Variants in ERBB4 observed in about 807,000 individuals in gnomAD.
The protein encoded by ERBB4 is erb-b2 receptor tyrosine kinase 4.
Under a neutral mutation model 158.0 loss-of-function variants are expected in ERBB4, and 42 were observed. The observed-to-expected ratio is 0.27, with a 90% CI of 0.21 to 0.34. ERBB4 has a LOEUF of 0.34. Ranked by LOEUF, ERBB4 falls within the 10% of genes least tolerant of loss-of-function variation. The pLI, the probability that ERBB4 is intolerant of heterozygous loss-of-function variation, is 1.00. For synonymous variants in ERBB4, 583 were observed against 558.7 expected, an observed-to-expected ratio of 1.04 and a Z score of -0.61; for missense variants, 1,333 against 1,624.1, an observed-to-expected ratio of 0.82 and a Z score of 3.08.
At chr2:211,924,004 G>A (rs1287637968) in intron 3 of ERBB4, among the ~76,000 whole-genome samples, 7 of 152,094 alleles carry the variant, frequency 4.6e-5, no homozygotes, top group Non-Finnish European at 1.0e-4. Flanking sequence ...TTACAGGTGT[G>A]AGCCACCATG....
intron 25 of ERBB4, among the ~76,000 whole-genome samples, chr2:211,395,585 C>T (rs193259024): frequency 0.013 from 1,892 of 146,928 alleles, 26 homozygotes; most frequent in South Asian, 0.022. Flanking sequence ...TATTAATATA[C>T]GCAAAGTAAA....
At chr2:212,377,595 G>T (rs1219550760) in intron 1 of ERBB4, among the ~76,000 whole-genome samples, 1 of 151,924 alleles carries the variant, frequency 6.6e-6, no homozygotes, top group East Asian at 1.9e-4. Flanking sequence ...CCTGTCTAGG[G>T]GACCTACCTT....
chr2:211,722,332 A>T (rs1407469103), intron 7 of ERBB4, 61 bp downstream of exon 7: 2 of 1,367,512 alleles, frequency 1.5e-6, no homozygotes, highest in Non-Finnish European at 2.1e-6. Flanking sequence ...AACTTACATA[A>T]AATTCTTTTG....
intron 1 of ERBB4, among the ~76,000 whole-genome samples, chr2:212,277,993 G>A (rs1459089911): frequency 6.6e-6 from 1 of 151,386 alleles, no homozygotes; most frequent in African/African-American, 2.4e-5. Context: ...GGACTTCACT[G>A]GGATAAAATT....
intron 2 of ERBB4, among the ~76,000 whole-genome samples, chr2:212,011,404 T>C (rs890240336): frequency 2.0e-5 from 3 of 152,126 alleles, no homozygotes; most frequent in African/African-American, 7.2e-5. Context: ...ATTTCCATTA[T>C]CACAGAAAGT....
At chr2:212,210,460 C>T (rs1378151992) in intron 1 of ERBB4, among the ~76,000 whole-genome samples, 1 of 151,998 alleles carries the variant, frequency 6.6e-6, no homozygotes, top group Non-Finnish European at 1.5e-5. Context: ...TTCAAGAAAT[C>T]CTCTGTCTCC....
At chr2:211,432,073 T>G (rs2063757730) in intron 20 of ERBB4, among the ~76,000 whole-genome samples, 1 of 152,204 alleles carries the variant, frequency 6.6e-6, no homozygotes, top group Non-Finnish European at 1.5e-5. Context: ...AATATATTTT[T>G]GTTGAAGTGT....
chr2:212,080,837 G>A (rs1031612349), intron 2 of ERBB4, among the ~76,000 whole-genome samples: 62 of 152,100 alleles, frequency 4.1e-4, no homozygotes, highest in Non-Finnish European at 8.1e-4. Context: ...ACAAAAAGGT[G>A]AATTGTGCCA....
rs372836464 is a variant in ERBB4, at chr2:211,889,482, T to C, written c.421+57948A>G. ...AACAGAAAAACTGGAAACTCTAAAATGCAGAGCGCCTCTCCTCCTCCAAAG... is the reference window on the plus strand; with the variant it reads ...AACAGAAAAACTGGAAACTCTAAAACGCAGAGCGCCTCTCCTCCTCCAAAG... On this transcript the variant is annotated intron_variant, in intron 3 of 27. Coordinates refer to ENST00000342788, the MANE Select transcript of ERBB4 (RefSeq NM_005235.3). Among the ~76,000 whole-genome samples the C allele has an allele frequency of 2.6e-5, 4 of 151,524 alleles. No individual in the cohort carries two copies. The East Asian group carries it at 5.8e-4, about 22-fold the overall frequency.
At chr2:212,064,828 G>GT (rs2077889830) in intron 2 of ERBB4, among the ~76,000 whole-genome samples, 1 of 152,004 alleles carries the variant, frequency 6.6e-6, no homozygotes, top group African/African-American at 2.4e-5. Context: ...ACCAGAACAA[G>GT]TAACTATAAT....
chr2:212,363,667 T>C (rs1050265704), intron 1 of ERBB4, among the ~76,000 whole-genome samples: 2 of 151,630 alleles, frequency 1.3e-5, no homozygotes, highest in East Asian at 1.9e-4. Context: ...AAAATACTTA[T>C]ATATTTGGAA....
Position 212,328,529 on chromosome 2 carries a change from T to C in ERBB4, c.83-203626A>G, listed in dbSNP as rs762364376. Among the ~76,000 whole-genome samples the C allele has an allele frequency of 2.6e-4, 40 of 152,156 alleles. 1 individual carries two copies. The highest frequency in any genetic ancestry group is 6.8e-3 in the Middle Eastern group (2 of 294). ...GAAGCTGGAGATATTATGGTCATCA[T>C]TTGAAAATATGTGTCATAATAGTTT... On this transcript the variant is annotated intron_variant, in intron 1 of 27. Transcript: ENST00000342788.
chr2:212,077,228 T>G (rs563032549), intron 2 of ERBB4, among the ~76,000 whole-genome samples: 1 of 152,154 alleles, frequency 6.6e-6, no homozygotes, highest in Admixed American at 6.6e-5. Context: ...ATTATCATTA[T>G]CTACTAAAGT....
At chr2:211,572,765 C>G (rs2125748751) in intron 19 of ERBB4, among the ~76,000 whole-genome samples, 1 of 152,344 alleles carries the variant, frequency 6.6e-6, no homozygotes, top group Non-Finnish European at 1.5e-5. Context: ...ATTCCTTCAA[C>G]TTTGTATGCC....
At chr2:211,944,151 C>CTA (rs1206375323) in intron 3 of ERBB4, among the ~76,000 whole-genome samples, 5 of 83,420 alleles carry the variant, frequency 6.0e-5, no homozygotes, top group South Asian at 3.2e-4. Context: ...TACATATACA[C>CTA]TATATATATA....
chr2:211,462,055 AGAG>A (rs2064547616), intron 20 of ERBB4, among the ~76,000 whole-genome samples: 1 of 152,110 alleles, frequency 6.6e-6, no homozygotes, highest in Admixed American at 6.6e-5. Context: ...TATAAAGAAA[AGAG>A]GTTTAATTGA....
chr2:211,485,007 G>C (rs1286587196), intron 20 of ERBB4, among the ~76,000 whole-genome samples: 1 of 152,130 alleles, frequency 6.6e-6, no homozygotes, highest in Non-Finnish European at 1.5e-5. Flanking sequence ...AACATAGTCT[G>C]AAGCTAAAAG....
At chr2:211,933,394 A>T (rs1257602258) in intron 3 of ERBB4, among the ~76,000 whole-genome samples, 1 of 152,028 alleles carries the variant, frequency 6.6e-6, no homozygotes, top group East Asian at 1.9e-4. Context: ...TATCTTCTCC[A>T]TCCTTTCCTT....
chr2:212,016,027 G>GA (rs574342589), intron 2 of ERBB4, among the ~76,000 whole-genome samples: 21,010 of 139,626 alleles, frequency 0.15, 1,876 homozygotes, highest in African/African-American at 0.27. Context: ...CTACTGACCA[G>GA]AAAAAAAAAA....
Sources: gnomAD v4.1 joint callset for allele counts (sites outside exome capture counted in the v4.1 genomes callset) on GRCh38, gnomAD v4.1.1 for gene constraint, MANE v1.5 for transcripts, NCBI Gene and HGNC (gene_info 2026-07-23, HGNC 2026-07-21) for gene names.